SNX10: variants seen among roughly 807,000 people sequenced by gnomAD.
The protein encoded by SNX10 is sorting nexin-10.
A neutral mutation model predicts 28.5 loss-of-function variants in SNX10; 25 were observed. That is an observed-to-expected ratio of 0.88 (90% CI 0.64 to 1.22). The LOEUF is 1.22. SNX10 is among the 50% of genes most tolerant of loss of function. SNX10 has a pLI of 0.00. For missense variants in SNX10, 223 were observed against 242.6 expected, an observed-to-expected ratio of 0.92 and a Z score of 0.54; for synonymous variants, 62 against 81.4, an observed-to-expected ratio of 0.76 and a Z score of 1.28.
At chr7:26,354,316 G>C (rs1417268604) in intron 2 of SNX10, 2 of 152,104 alleles carry the variant, frequency 1.3e-5, no homozygotes, top group South Asian at 2.1e-4. Flanking sequence ...TCTTTTGCTT[G>C]TTTTCTAATT....
At chr7:26,305,799 A>G (rs1333277375) in intron 1 of SNX10, among the ~76,000 whole-genome samples, 2 of 152,280 alleles carry the variant, frequency 1.3e-5, no homozygotes, top group Non-Finnish European at 2.9e-5. Context: ...GTAGACAGAC[A>G]CATGTCAAAT....
chr7:26,312,280 C>T (rs1262382042), intron 1 of SNX10, among the ~76,000 whole-genome samples: 2 of 152,046 alleles, frequency 1.3e-5, no homozygotes. Flanking sequence ...TAAGGAAAAC[C>T]TTCATAAAAT....
rs1423987302 is a variant in SNX10, at chr7:26,364,216, G to A, written c.112-319G>A. On this transcript the variant is annotated intron_variant, in intron 3 of 6. Coordinates refer to ENST00000338523, the MANE Select transcript of SNX10 (RefSeq NM_013322.3). This position sits in a 1 kb window ranked among gnomAD's most constrained non-coding sequence, Gnocchi z 4.9. ...CTGAGCTCCTACCTGTCATTTATATGTTAGGATTTATTTTTTATGATTTAT... is the reference window on the plus strand; with the variant it reads ...CTGAGCTCCTACCTGTCATTTATATATTAGGATTTATTTTTTATGATTTAT... The A allele has an allele frequency of 3.5e-5, 19 of 547,130 alleles. No homozygotes were observed. Among genetic ancestry groups the A allele is most frequent in the Admixed American group, 5.8e-5 (1 of 17,100 alleles). 33.9% of individuals were successfully genotyped at this position (547,130 alleles called of 1,614,324 possible).
chr7:26,317,453 C>T (rs888422764), intron 1 of SNX10, among the ~76,000 whole-genome samples: 12 of 152,146 alleles, frequency 7.9e-5, no homozygotes, highest in African/African-American at 2.9e-4. Flanking sequence ...ATACAACATA[C>T]TCAGCACAAG....
At chr7:26,332,307 G>GT (rs1787777316) in intron 1 of SNX10, among the ~76,000 whole-genome samples, 1 of 152,074 alleles carries the variant, frequency 6.6e-6, no homozygotes, top group Non-Finnish European at 1.5e-5. Context: ...TCTTACCATG[G>GT]TTTAGATTTG....
intron 3 of SNX10, among the ~76,000 whole-genome samples, chr7:26,363,965 G>T (rs567937075): frequency 6.6e-6 from 1 of 152,118 alleles, no homozygotes; most frequent in Non-Finnish European, 1.5e-5. Context: ...TTATCCCCAC[G>T]TACCACGGTC....
Position 26,372,560 on chromosome 7 carries a change from G to A in SNX10, c.594G>A (p.Pro198=), listed in dbSNP as rs1485265545. The change falls in exon 7 of 7, where the codon CCG becomes CCA. Residue 198 remains proline, a synonymous_variant. Coordinates refer to ENST00000338523, the MANE Select transcript of SNX10 (RefSeq NM_013322.3). ...ATGGATGTAAAGTAAATACAGCTCC[G>A]CAGGAATCCTGAAAAATAATTCTAA... ...SSHGCKVNTA[P]QES is the part of the protein sequence containing the mutation. 6 of 1,592,068 alleles carry A rather than the reference G, an allele frequency of 3.8e-6. No individual in the cohort carries two copies. The highest frequency in any genetic ancestry group is 2.7e-5 in the African/African-American group (2 of 74,382).
intron 5 of SNX10, chr7:26,370,673 G>T (rs1789487187): frequency 6.6e-6 from 1 of 152,096 alleles, no homozygotes; most frequent in Non-Finnish European, 1.5e-5. Context: ...GATATTAATG[G>T]CCAAAAGAGA....
At position 26,313,066 on chromosome 7, in the gene SNX10, G is replaced by T. The variant is rs557989815; in HGVS notation, c.-24+20980G>T. ...ATTTACTCATGCAGGTATTTACTGCGTACTGTTCATAGTAGCACGAGAATG... is the reference window on the plus strand; with the variant it reads ...ATTTACTCATGCAGGTATTTACTGCTTACTGTTCATAGTAGCACGAGAATG... On this transcript the variant is annotated intron_variant, in intron 1 of 6. Coordinates refer to ENST00000338523, the MANE Select transcript of SNX10 (RefSeq NM_013322.3). 4.6e-5 allele frequency among the ~76,000 whole-genome samples: 7 copies of T among 152,274 alleles called. No homozygotes were observed. In the South Asian group the frequency reaches 1.5e-3, roughly 32 times the overall value.
intron 1 of SNX10, among the ~76,000 whole-genome samples, chr7:26,294,268 G>C (rs12536909): frequency 0.051 from 7,793 of 152,284 alleles, 499 homozygotes; most frequent in East Asian, 0.28. Flanking sequence ...CCTGTTCAAA[G>C]AGGAAGGTAT....
In SNX10 at chr7:26,364,575, G is replaced by A. The variant is rs398123011; in HGVS notation, c.152G>A (p.Arg51Gln). 1.1e-5 allele frequency: 17 copies of A among 1,613,824 alleles called. No homozygotes were observed. Among genetic ancestry groups the A allele is most frequent in the Non-Finnish European group, 1.4e-5 (17 of 1,179,920 alleles). The change falls in exon 4 of 7, where the codon CGA (arginine) becomes CAA (glutamine). Residue 51 changes from arginine to glutamine, a missense_variant. By Grantham distance (43) the Arg-to-Gln change is conservative (BLOSUM62 1). Transcript: ENST00000338523. This position sits in a 1 kb window ranked among gnomAD's most constrained non-coding sequence, Gnocchi z 4.9. The part of the protein sequence containing the change: ...MCFTMKTSCV[R>Q]RRYREFVWLR... ...TTTACAATGAAAACATCCTGTGTAC[G>A]AAGAAGATATAGAGAATTCGTGTGG...
chr7:26,324,592 C>T (rs979708483), intron 1 of SNX10, among the ~76,000 whole-genome samples: 1 of 152,106 alleles, frequency 6.6e-6, no homozygotes, highest in African/African-American at 2.4e-5. Flanking sequence ...AACTCCTGGC[C>T]TCAAGTGATC....
At chr7:26,340,978 C>T (rs535305329) in intron 1 of SNX10, among the ~76,000 whole-genome samples, 18 of 152,238 alleles carry the variant, frequency 1.2e-4, no homozygotes, top group Admixed American at 4.6e-4. Flanking sequence ...AACCAAGCCA[C>T]GCCCAGCTTG....
chr7:26,332,955 C>T (rs1787798330), intron 1 of SNX10, among the ~76,000 whole-genome samples: 1 of 152,136 alleles, frequency 6.6e-6, no homozygotes, highest in Non-Finnish European at 1.5e-5. Flanking sequence ...GTGCCAATAC[C>T]ACAATGCCTT....
intron 3 of SNX10, among the ~76,000 whole-genome samples, chr7:26,361,820 G>A (rs1789083788): frequency 6.6e-6 from 1 of 152,222 alleles, no homozygotes; most frequent in Non-Finnish European, 1.5e-5. Flanking sequence ...AAAGACAGGT[G>A]TCAGACCAGA....
intron 1 of SNX10, among the ~76,000 whole-genome samples, chr7:26,319,726 A>AT (rs1787235048): frequency 1.3e-5 from 2 of 152,164 alleles, no homozygotes; most frequent in South Asian, 4.1e-4. Flanking sequence ...TGCTTCAAAA[A>AT]TTAAGTGTTG....
chr7:26,334,738 CAT>C (rs1787858310), intron 1 of SNX10, among the ~76,000 whole-genome samples: 1 of 152,110 alleles, frequency 6.6e-6, no homozygotes, highest in African/African-American at 2.4e-5. Flanking sequence ...GATGTGCTGT[CAT>C]ATCCTCTTTT....
At chr7:26,306,022 G>A (rs1786576493) in intron 1 of SNX10, among the ~76,000 whole-genome samples, 2 of 152,086 alleles carry the variant, frequency 1.3e-5, no homozygotes, top group Non-Finnish European at 2.9e-5. Context: ...AGCCTCTGGA[G>A]TAGTTGGGAC....
chr7:26,314,713 G>A (rs1307704287), intron 1 of SNX10, among the ~76,000 whole-genome samples: 1 of 152,024 alleles, frequency 6.6e-6, no homozygotes, highest in Non-Finnish European at 1.5e-5. Context: ...TAAGAAAAAA[G>A]AACAGGCCAG....
Sources: allele counts gnomAD v4.1 joint callset (sites outside exome capture counted in the v4.1 genomes callset), GRCh38; gene constraint gnomAD v4.1.1; non-coding constraint Gnocchi (gnomAD v3.1); transcripts MANE v1.5; gene names NCBI Gene and HGNC (gene_info 2026-07-23, HGNC 2026-07-21).